The following TEX10 variants were observed in gnomAD, a reference collection of about 807,000 sequenced individuals.
TEX10 encodes testis-expressed protein 10.
Under a neutral mutation model 104.4 loss-of-function variants are expected in TEX10, and 24 were observed. The ratio of observed to expected loss-of-function variants is 0.23; its 90% CI spans 0.17 to 0.32. The LOEUF is 0.32. TEX10 is among the 10% of genes least tolerant of loss of function. The pLI is 1.00. For synonymous variants in TEX10, 396 were observed against 393.4 expected, an observed-to-expected ratio of 1.01 and a Z score of -0.08; for missense variants, 921 against 1,083.9, an observed-to-expected ratio of 0.85 and a Z score of 2.11.
chr9:100,321,307 G>A (rs938717568), intron 10 of TEX10, among the ~76,000 whole-genome samples: 2 of 152,148 alleles, frequency 1.3e-5, no homozygotes, highest in African/African-American at 4.8e-5. Context: ...CAAGTCTTCA[G>A]AAAATTTCAA....
intron 5 of TEX10, among the ~76,000 whole-genome samples, chr9:100,331,535 A>T (rs536854171): frequency 6.3e-4 from 96 of 152,366 alleles, no homozygotes; most frequent in African/African-American, 2.1e-3. Context: ...AGTCTTGAGC[A>T]AGGGCACAGT....
At chr9:100,312,326 G>A (rs747086910) in intron 11 of TEX10, among the ~76,000 whole-genome samples, 13 of 152,156 alleles carry the variant, frequency 8.5e-5, no homozygotes, top group South Asian at 2.1e-4. Flanking sequence ...TAGACAGCCC[G>A]AAAGAACCAG....
intron 11 of TEX10, among the ~76,000 whole-genome samples, chr9:100,319,894 A>G (rs975444993): frequency 3.9e-5 from 6 of 152,230 alleles, no homozygotes; most frequent in African/African-American, 1.2e-4. Flanking sequence ...TTTAATTTCA[A>G]TAAGTTACAT....
intron 13 of TEX10, chr9:100,306,356 T>C (rs1024198712): frequency 4.6e-5 from 7 of 152,142 alleles, no homozygotes; most frequent in Non-Finnish European, 7.4e-5. Context: ...ATAACAAATC[T>C]ACACTAGGAC....
At chr9:100,337,672 G>T (rs1461756243) in intron 5 of TEX10, among the ~76,000 whole-genome samples, 1 of 152,138 alleles carries the variant, frequency 6.6e-6, no homozygotes, top group Non-Finnish European at 1.5e-5. Context: ...TCAAGAAACG[G>T]CTTCCACATC....
Position 100,327,782 on chromosome 9 carries a change from C to G in TEX10, c.1801+5G>C. The stretch of plus-strand genomic sequence containing the variant: ...ACCCATACCATTAAACAAATGAACT[C>G]TTACCATAAATTCGGAGGGCAGTAG... On this transcript the variant is annotated splice_donor_5th_base_variant and intron_variant, in intron 8 of 14. Transcript: ENST00000374902. The G allele has an allele frequency of 6.4e-7, 1 of 1,560,684 alleles. No individual in the cohort carries two copies. Among genetic ancestry groups the G allele is most frequent in the South Asian group, 1.2e-5 (1 of 81,088 alleles).
chr9:100,339,812 T>TTTTA (rs1295433716), intron 5 of TEX10, among the ~76,000 whole-genome samples: 11 of 152,088 alleles, frequency 7.2e-5, no homozygotes, highest in African/African-American at 2.7e-4. Context: ...ATCAATTACC[T>TTTTA]TTTATTTCTG....
rs878903063 is a variant in TEX10, at chr9:100,346,525, AAATT to A, written c.893+165_893+168del. Among the ~76,000 whole-genome samples the A allele has an allele frequency of 6.6e-5, 10 of 152,364 alleles. No individual in the cohort carries two copies. In the South Asian group the frequency reaches 8.3e-4, roughly 13 times the overall value. On this transcript the variant is annotated intron_variant, in intron 3 of 14. Transcript: ENST00000374902. ...ATTTCTCAAAGGCTTTGCTATAAAT[AAATT>A]AACATACAAATAACTCTTCCCATCA...
Position 100,324,040 on chromosome 9 carries a change from C to CT in TEX10, c.1979+2261dup, listed in dbSNP as rs999498914. 8.2e-4 allele frequency among the ~76,000 whole-genome samples: 124 copies of CT among 151,294 alleles called. No homozygotes were observed. In the South Asian group the frequency reaches 0.012, roughly 15 times the overall value. On this transcript the variant is annotated intron_variant, in intron 9 of 14. Transcript: ENST00000374902. ...ATGTCTGAATGAACTAACCGTCAGTCTTTTTTTTTAAAGATGGAGTCTCCT... is the reference window on the plus strand; with the variant it reads ...ATGTCTGAATGAACTAACCGTCAGTCTTTTTTTTTTAAAGATGGAGTCTCCT...
intron 12 of TEX10, 114 bp downstream of exon 12, chr9:100,310,185 T>G: frequency 1.2e-6 from 1 of 830,942 alleles, no homozygotes; most frequent in East Asian, 2.7e-5. Context: ...CAAGAGACTA[T>G]GATATCATTA....
Position 100,347,543 on chromosome 9 carries a change from T to C in TEX10, c.181-137A>G, listed in dbSNP as rs1005410614. The stretch of plus-strand genomic sequence containing the variant: ...TTCAATAAGTACTTTTTAAATGTTA[T>C]TTAGCTTTTGTTAGGATCAGAAACA... On this transcript the variant is annotated intron_variant, in intron 2 of 14. Coordinates refer to ENST00000374902, the MANE Select transcript of TEX10 (RefSeq NM_017746.4). The C allele has an allele frequency of 5.6e-5, 33 of 586,118 alleles. No individual in the cohort carries two copies. In the South Asian group the frequency reaches 1.2e-3, roughly 21 times the overall value. 36.3% of individuals were successfully genotyped at this position (586,118 alleles called of 1,614,324 possible). A position where few individuals can be genotyped will look rare whatever the true frequency, so the allele number is the denominator to read the frequency against.
chr9:100,351,880 C>T (rs1197836372), intron 1 of TEX10, among the ~76,000 whole-genome samples: 1 of 152,178 alleles, frequency 6.6e-6, no homozygotes, highest in Non-Finnish European at 1.5e-5. Context: ...AAAAGTCCCA[C>T]TAAGCCACTT....
chr9:100,323,989 A>C (rs1055246210), intron 9 of TEX10, among the ~76,000 whole-genome samples: 1 of 152,196 alleles, frequency 6.6e-6, no homozygotes, highest in East Asian at 1.9e-4. Flanking sequence ...TGAATAAAAA[A>C]CTAAAGATAT....
chr9:100,330,513 T>A (rs1032750161), intron 5 of TEX10, among the ~76,000 whole-genome samples: 2 of 152,206 alleles, frequency 1.3e-5, no homozygotes, highest in African/African-American at 4.8e-5. Flanking sequence ...ATGCTTATAT[T>A]TGGATGGAAA....
chr9:100,303,214 T>C, intron 14 of TEX10, among the ~76,000 whole-genome samples: 1 of 152,294 alleles, frequency 6.6e-6, no homozygotes, highest in East Asian at 1.9e-4. Flanking sequence ...CACAATAAAG[T>C]TGGCATTATT....
At chr9:100,349,435 C>T in intron 1 of TEX10, 63 bp from the exon 2 acceptor site, 1 of 1,008,972 alleles carries the variant, frequency 9.9e-7, no homozygotes, top group Non-Finnish European at 1.4e-6. Context: ...TGAAAAAAGG[C>T]ACTTTCCAAC....
At chr9:100,316,127 C>T (rs1834412189) in intron 11 of TEX10, among the ~76,000 whole-genome samples, 1 of 152,160 alleles carries the variant, frequency 6.6e-6, no homozygotes, top group Non-Finnish European at 1.5e-5. Context: ...CAAAATTCCT[C>T]CACAAGATAC....
intron 12 of TEX10, among the ~76,000 whole-genome samples, chr9:100,310,048 C>T (rs908083535): frequency 3.3e-5 from 5 of 152,238 alleles, no homozygotes; most frequent in Non-Finnish European, 7.4e-5. Context: ...TTTTCAGGTC[C>T]CTTATTTCAC....
chr9:100,334,866 C>T (rs968904125), intron 5 of TEX10, among the ~76,000 whole-genome samples: 4 of 152,090 alleles, frequency 2.6e-5, no homozygotes, highest in East Asian at 3.9e-4. Context: ...GGTTTCGCCA[C>T]GTTGGCCAGG....
Sources: allele counts gnomAD v4.1 joint callset (sites outside exome capture counted in the v4.1 genomes callset), GRCh38; gene constraint gnomAD v4.1.1; transcripts MANE v1.5; gene names NCBI Gene and HGNC (gene_info 2026-07-23, HGNC 2026-07-21).